The following BEND7 variants were observed in gnomAD, a reference collection of about 807,000 sequenced individuals.
BEND7 encodes BEN domain-containing protein 7.
BEND7 carries 28 observed loss-of-function variants against 50.9 expected under a neutral mutation model. That is an observed-to-expected ratio of 0.55 (90% CI 0.41 to 0.75). The LOEUF (loss-of-function observed/expected upper bound fraction) is 0.75. Ranked by LOEUF, BEND7 falls within the 30% of genes least tolerant of loss-of-function variation. The pLI, the probability that BEND7 is intolerant of heterozygous loss-of-function variation, is 0.00. For synonymous variants in BEND7, 170 were observed against 183.9 expected, an observed-to-expected ratio of 0.92 and a Z score of 0.61; for missense variants, 477 against 491.3, an observed-to-expected ratio of 0.97 and a Z score of 0.28.
intron 7 of BEND7, among the ~76,000 whole-genome samples, chr10:13,450,378 ATAT>A (rs906346725): frequency 2.4e-4 from 36 of 152,332 alleles, no homozygotes; most frequent in Middle Eastern, 3.4e-3. Flanking sequence ...AGAGCAGGTA[ATAT>A]TATTGATCCA....
At chr10:13,494,596 C>G (rs2076908568) in intron 4 of BEND7, among the ~76,000 whole-genome samples, 1 of 152,216 alleles carries the variant, frequency 6.6e-6, no homozygotes, top group African/African-American at 2.4e-5. Context: ...CATTCCCCCT[C>G]AAGGCTGGGT....
chr10:13,439,664 C>T (rs1835091831), downstream of BEND7, among the ~76,000 whole-genome samples: 1 of 152,248 alleles, frequency 6.6e-6, no homozygotes, highest in Non-Finnish European at 1.5e-5. Context: ...CCTCCTCCAG[C>T]CTGAGCTGAT....
intron 2 of BEND7, among the ~76,000 whole-genome samples, chr10:13,523,982 C>T (rs1365501450): frequency 1.3e-5 from 2 of 152,246 alleles, no homozygotes; most frequent in African/African-American, 2.4e-5. Context: ...GGAGCAACCA[C>T]TTTGAAAGCG....
intron 6 of BEND7, among the ~76,000 whole-genome samples, chr10:13,457,238 C>T (rs1299703937): frequency 6.6e-6 from 1 of 152,188 alleles, no homozygotes; most frequent in African/African-American, 2.4e-5. Flanking sequence ...ACGATTCCCA[C>T]GTGTGCGGAC....
intron 7 of BEND7, among the ~76,000 whole-genome samples, chr10:13,451,403 G>A (rs1035049578): frequency 3.3e-5 from 5 of 151,190 alleles, no homozygotes; most frequent in African/African-American, 1.2e-4. Context: ...GTGTGTTTGT[G>A]TGTGTGTAGA....
intron 7 of BEND7, among the ~76,000 whole-genome samples, chr10:13,451,549 C>T (rs1837706805): frequency 6.6e-6 from 1 of 151,940 alleles, no homozygotes. Flanking sequence ...ATAATGGCTA[C>T]ACTAATTTAT....
intron 2 of BEND7, among the ~76,000 whole-genome samples, chr10:13,517,380 G>C (rs1169250118): frequency 6.6e-6 from 1 of 152,148 alleles, no homozygotes; most frequent in Admixed American, 6.6e-5. Context: ...GGCAAGAGGG[G>C]AGTGTCAGGA....
intron 6 of BEND7, among the ~76,000 whole-genome samples, chr10:13,465,552 T>G (rs1298058148): frequency 1.3e-5 from 2 of 152,196 alleles, no homozygotes; most frequent in East Asian, 3.8e-4. Context: ...GGGCCCTAGA[T>G]ATCCATAAAA....
chr10:13,513,189 A>G (rs188231302), intron 2 of BEND7, among the ~76,000 whole-genome samples: 3 of 152,296 alleles, frequency 2.0e-5, no homozygotes, highest in Admixed American at 2.0e-4. Flanking sequence ...AATTGATATC[A>G]TGACCTACTT....
chr10:13,499,867 A>G lies in BEND7; in HGVS notation c.359T>C (p.Leu120Pro), dbSNP rs991367763. 1 of 1,614,174 alleles carries G rather than the reference A, an allele frequency of 6.2e-7. No homozygotes were observed. Among genetic ancestry groups the G allele is most frequent in the African/African-American group, 1.3e-5 (1 of 75,048 alleles). The part of the protein sequence containing the change: ...HPSSRGVWNE[L>P]PPQSGQFSGQ... ...TGAGAACTGTCCACTCTGGGGCGGT[A>G]GCTCATTCCACACACCACGTGAAGA... Residue 120 changes from leucine to proline, a missense_variant, in exon 3 of 9, where the codon CTA (leucine) becomes CCA (proline). By Grantham distance (98) the Leu-to-Pro change is moderately conservative. Transcript: ENST00000466271.
At chr10:13,501,223 A>G (rs2077426612) in intron 2 of BEND7, among the ~76,000 whole-genome samples, 1 of 151,838 alleles carries the variant, frequency 6.6e-6, no homozygotes, top group Non-Finnish European at 1.5e-5. Flanking sequence ...GAAAATACAA[A>G]ATTAGCCAGG....
chr10:13,498,641 A>C (rs541214951), intron 3 of BEND7, among the ~76,000 whole-genome samples: 1 of 152,350 alleles, frequency 6.6e-6, no homozygotes, highest in African/African-American at 2.4e-5. Context: ...CACTATTCTA[A>C]GTACCATCTT....
chr10:13,465,397 T>G (rs1446819156), intron 6 of BEND7, among the ~76,000 whole-genome samples: 1 of 152,200 alleles, frequency 6.6e-6, no homozygotes, highest in Non-Finnish European at 1.5e-5. Context: ...ACATGAGACT[T>G]TAGCAGGAGC....
intron 5 of BEND7, among the ~76,000 whole-genome samples, chr10:13,482,887 C>T (rs1442464789): frequency 6.6e-6 from 1 of 152,150 alleles, no homozygotes; most frequent in East Asian, 1.9e-4. Flanking sequence ...TTGAATGATT[C>T]AATGTAGACA....
chr10:13,508,764 G>A (rs1564395430), intron 2 of BEND7, among the ~76,000 whole-genome samples: 31 of 150,350 alleles, frequency 2.1e-4, no homozygotes, highest in African/African-American at 2.4e-5. Context: ...CAATGTGACC[G>A]AAAAAAAAAT....
chr10:13,519,897 T>C (rs1051731028), intron 2 of BEND7, among the ~76,000 whole-genome samples: 3 of 152,088 alleles, frequency 2.0e-5, no homozygotes, highest in African/African-American at 7.2e-5. Flanking sequence ...CGCAGTGAAA[T>C]GGCAGAGATG....
intron 1 of BEND7, chr10:13,527,871 T>C: frequency 1.0e-6 from 1 of 975,446 alleles, no homozygotes; most frequent in Non-Finnish European, 1.2e-6. Context: ...ACTAGATGGA[T>C]TTCTTTTCTT....
chr10:13,458,415 G>A (rs939077739), intron 6 of BEND7, among the ~76,000 whole-genome samples: 10 of 152,198 alleles, frequency 6.6e-5, no homozygotes, highest in African/African-American at 2.2e-4. Context: ...TTTTCTGGCT[G>A]GCTGTGCTGG....
intron 2 of BEND7, among the ~76,000 whole-genome samples, chr10:13,524,761 T>C (rs192807088): frequency 7.2e-5 from 11 of 152,240 alleles, no homozygotes; most frequent in Non-Finnish European, 1.5e-4. Context: ...TATTAACCTT[T>C]TGGCTCCTAG....
Sources: gnomAD v4.1 joint callset for allele counts (sites outside exome capture counted in the v4.1 genomes callset) on GRCh38, gnomAD v4.1.1 for gene constraint, MANE v1.5 for transcripts, NCBI Gene and HGNC (gene_info 2026-07-23, HGNC 2026-07-21) for gene names.